Variants in ADA observed in about 807,000 individuals in gnomAD.
ADA encodes adenosine aminohydrolase.
A neutral mutation model predicts 49.0 loss-of-function variants in ADA; 45 were observed. That is an observed-to-expected ratio of 0.92 (90% CI 0.72 to 1.18). ADA has a LOEUF of 1.18. Among genes scored for constraint, ADA ranks in the 50% most tolerant of loss-of-function variants. The pLI is 0.00. For synonymous variants in ADA, 173 were observed against 184.2 expected (o/e 0.94, Z 0.49); for missense variants, 445 against 472.5 (o/e 0.94, Z 0.54).
Position 44,619,804 on chromosome 20 carries a change from A to C in ADA, c.*30T>G. ...AGCCCCACAGAGTTGGGGTGACTCC[A>C]CAGGGTGAAGGCTTGGAGGAGTGGC... On this transcript the variant is annotated 3_prime_UTR_variant, in exon 12 of 12. Transcript: ENST00000372874. 6.2e-7 allele frequency: 1 copy of C among 1,614,176 alleles called. No individual in the cohort carries two copies. Among genetic ancestry groups the C allele is most frequent in the Non-Finnish European group, 8.5e-7 (1 of 1,180,008 alleles).
At chr20:44,626,115 T>C (rs1343766510) in intron 4 of ADA, among the ~76,000 whole-genome samples, 2 of 152,070 alleles carry the variant, frequency 1.3e-5, no homozygotes, top group Non-Finnish European at 2.9e-5. Flanking sequence ...GAGCAGGACC[T>C]TTAGGGCCTT....
chr20:44,630,657 G>C (rs559829041), intron 2 of ADA, among the ~76,000 whole-genome samples: 2 of 152,306 alleles, frequency 1.3e-5, no homozygotes, highest in African/African-American at 4.8e-5. Context: ...TGAAAAATAG[G>C]AGTAAACAGT....
chr20:44,623,218 C>T lies in ADA; in HGVS notation c.607-140G>A, dbSNP rs1339365686. ...ATGGGGAAACCTGGTCTTTTACCCT[C>T]CAAGTCCTTATCTAAGTGGTAGCTG... On this transcript the variant is annotated intron_variant, in intron 6 of 11. Coordinates refer to ENST00000372874, the MANE Select transcript of ADA (RefSeq NM_000022.4). 2.4e-6 allele frequency: 3 copies of T among 1,259,630 alleles called. No individual in the cohort carries two copies. The Admixed American group carries it at 6.4e-5, about 27-fold the overall frequency. The allele number at this position is 1,259,630 out of a possible 1,614,324, so 78.0% of individuals were successfully genotyped here. A position where few individuals can be genotyped will look rare whatever the true frequency, so the allele number is the denominator to read the frequency against.
rs751830380 is a variant in ADA at position 44,623,086 on chromosome 20, G to C, written c.607-8C>G. 8.1e-6 allele frequency: 13 copies of C among 1,613,990 alleles called. No individual in the cohort carries two copies. Among genetic ancestry groups the C allele is most frequent in the East Asian group, 2.2e-5 (1 of 44,872 alleles). Reference sequence around the variant, plus strand: ...GCCGCTCTTCACAGCCTCCTGGAAGGGGGAGAGCCAGGTCATGGGTGCCCT... The same window carrying C: ...GCCGCTCTTCACAGCCTCCTGGAAGCGGGAGAGCCAGGTCATGGGTGCCCT... On this transcript the variant is annotated splice_polypyrimidine_tract_variant and splice_region_variant and intron_variant, in intron 6 of 11. Transcript: ENST00000372874.
chr20:44,642,386 G>A (rs2065544628), intron 1 of ADA, among the ~76,000 whole-genome samples: 3 of 152,334 alleles, frequency 2.0e-5, no homozygotes, highest in South Asian at 4.1e-4. Flanking sequence ...AGTGCTATGA[G>A]ATAAAGAAAA....
rs773510057 is a variant in ADA, at chr20:44,622,964, G to A, written c.679-34C>T. 7 of 1,614,106 alleles carry A rather than the reference G, an allele frequency of 4.3e-6. No individual in the cohort carries two copies. The African/African-American group carries it at 9.3e-5, about 22-fold the overall frequency. The stretch of plus-strand genomic sequence containing the variant: ...AAGCAGAATAGAGCCAAGTATGGGA[G>A]GAGGCAGTGAGGAGGGACCCCATGG... On this transcript the variant is annotated intron_variant, in intron 7 of 11. Coordinates refer to ENST00000372874, the MANE Select transcript of ADA (RefSeq NM_000022.4).
chr20:44,626,732 G>T, intron 3 of ADA, 133 bp from the exon 4 acceptor site: 1 of 1,119,762 alleles, frequency 8.9e-7, no homozygotes, highest in Non-Finnish European at 1.3e-6. Flanking sequence ...GGCATCCACT[G>T]GATAAGATCC....
intron 5 of ADA, among the ~76,000 whole-genome samples, chr20:44,624,768 T>C (rs1001399284): frequency 4.6e-5 from 7 of 152,260 alleles, no homozygotes; most frequent in African/African-American, 1.2e-4. Flanking sequence ...ATCTCGCTAA[T>C]GTATTAGGTA....
chr20:44,627,946 C>T (rs1167274633), intron 3 of ADA, among the ~76,000 whole-genome samples: 1 of 152,258 alleles, frequency 6.6e-6, no homozygotes, highest in Non-Finnish European at 1.5e-5. Flanking sequence ...GTGCTTGGAG[C>T]AGAGCGGACA....
chr20:44,620,889 G>A (rs1226098410), intron 10 of ADA, 129 bp downstream of exon 10: 15 of 1,277,194 alleles, frequency 1.2e-5, no homozygotes, highest in Non-Finnish European at 1.6e-5. Context: ...AAGTGTCTAG[G>A]TTGGGCTTGT....
chr20:44,635,958 G>A (rs1231161223), intron 2 of ADA: 1 of 517,038 alleles, frequency 1.9e-6, no homozygotes, highest in Non-Finnish European at 3.5e-6. Flanking sequence ...GTATGTGGGT[G>A]GGTGGGGAGA....
chr20:44,650,350 C>T (rs1327273056), intron 1 of ADA, among the ~76,000 whole-genome samples: 1 of 152,252 alleles, frequency 6.6e-6, no homozygotes, highest in African/African-American at 2.4e-5. Flanking sequence ...CTCACTGACA[C>T]ATGCACACTC....
intron 1 of ADA, 36 bp downstream of exon 1, chr20:44,651,539 C>T (rs1312256569): frequency 2.6e-6 from 4 of 1,525,778 alleles, no homozygotes; most frequent in African/African-American, 1.4e-5. Flanking sequence ...GCCCAGGCGC[C>T]GGACCCCCGT....
rs536103858 is a variant in ADA at position 44,625,673 on chromosome 20, G to C, written c.374C>G (p.Thr125Ser). 1.3e-6 allele frequency: 2 copies of C among 1,563,110 alleles called. No homozygotes were observed. Among genetic ancestry groups the C allele is most frequent in the East Asian group, 2.4e-5 (1 of 42,238 alleles). The stretch of plus-strand genomic sequence containing the variant: ...CACTAGGGCCACCACCTCGTCTGGG[G>C]TGAGGTCCCCTCTGTGTGAGGAGAG... Reference protein sequence around the residue: ...IPWNQAEGDLTPDEVVALVGQ... With the variant: ...IPWNQAEGDLSPDEVVALVGQ... The change falls in exon 5 of 12, where the codon ACC (threonine) becomes AGC (serine). Residue 125 changes from threonine to serine, a missense_variant. Transcript: ENST00000372874.
intron 2 of ADA, among the ~76,000 whole-genome samples, chr20:44,630,119 C>T (rs368253): frequency 6.6e-6 from 1 of 151,868 alleles, no homozygotes; most frequent in Admixed American, 6.6e-5. Context: ...GGCCAAGGTG[C>T]GAGGATCATG....
chr20:44,621,439 G>A (rs780740091), intron 9 of ADA, among the ~76,000 whole-genome samples: 3 of 151,930 alleles, frequency 2.0e-5, no homozygotes, highest in Non-Finnish European at 4.4e-5. Flanking sequence ...CGTGGGGGTG[G>A]GAGCCAAGAA....
chr20:44,621,841 C>G (rs2123514009), intron 9 of ADA, among the ~76,000 whole-genome samples: 1 of 152,286 alleles, frequency 6.6e-6, no homozygotes, highest in South Asian at 2.1e-4. Context: ...GTGCAGATGA[C>G]TCCTGGATCT....
intron 1 of ADA, among the ~76,000 whole-genome samples, chr20:44,649,424 T>A (rs991779252): frequency 6.6e-6 from 1 of 151,926 alleles, no homozygotes; most frequent in African/African-American, 2.4e-5. Flanking sequence ...CAGGTAACAT[T>A]CTACCTTCAC....
chr20:44,626,541 C>G lies in ADA; in HGVS notation c.277G>C (p.Glu93Gln), dbSNP rs2065384379. ...CGCACCTCCACATACACCACGCCCTCTTTGGCCTTCATCTCTACAAACTCA... is the reference window on the plus strand; with the variant it reads ...CGCACCTCCACATACACCACGCCCTGTTTGGCCTTCATCTCTACAAACTCA... ...AYEFVEMKAK[E>Q]GVVYVEVRYS... The change falls in exon 4 of 12, where the codon GAG (glutamate) becomes CAG (glutamine). Residue 93 changes from glutamate (E) to glutamine (Q), a missense_variant. Coordinates refer to ENST00000372874, the MANE Select transcript of ADA (RefSeq NM_000022.4). The G allele has an allele frequency of 6.2e-7, 1 of 1,614,106 alleles. No homozygotes were observed. The highest frequency in any genetic ancestry group is 8.5e-7 in the Non-Finnish European group (1 of 1,180,048).
Sources: gnomAD v4.1 joint callset for allele counts (sites outside exome capture counted in the v4.1 genomes callset) on GRCh38, gnomAD v4.1.1 for gene constraint, MANE v1.5 for transcripts, NCBI Gene and HGNC (gene_info 2026-07-23, HGNC 2026-07-21) for gene names.